The following FBXW11 variants were observed in gnomAD, a reference collection of about 807,000 sequenced individuals.
FBXW11 encodes the protein F-box/WD repeat-containing protein 11.
FBXW11 carries 19 observed loss-of-function variants against 77.6 expected under a neutral mutation model. That is an observed-to-expected ratio of 0.24 (90% confidence interval 0.17 to 0.36). FBXW11 has a LOEUF of 0.36. Among genes scored for constraint, FBXW11 ranks in the 10% least tolerant of loss-of-function variants. The probability of loss-of-function intolerance (pLI) is 1.00; values close to 1 mark genes in which losing one functional copy is unlikely to be tolerated. For synonymous variants in FBXW11, 235 were observed against 249.4 expected, an observed-to-expected ratio of 0.94 and a Z score of 0.54; for missense variants, 334 against 704.2, an observed-to-expected ratio of 0.47 and a Z score of 5.95.
At chr5:171,974,570 G>A (rs1437801925) in intron 1 of FBXW11, among the ~76,000 whole-genome samples, 3 of 151,592 alleles carry the variant, frequency 2.0e-5, no homozygotes, top group African/African-American at 7.3e-5. Context: ...AAAAAAACAG[G>A]AAGAAGCCGA....
At chr5:171,972,503 A>T (rs1231173767) in intron 1 of FBXW11, among the ~76,000 whole-genome samples, 4 of 13,766 alleles carry the variant, frequency 2.9e-4, no homozygotes, top group Non-Finnish European at 8.0e-4. Flanking sequence ...TCTGTCTCAT[A>T]AAAAAAAAAA....
chr5:171,899,771 T>G, intron 5 of FBXW11, 143 bp downstream of exon 5: 1 of 690,692 alleles, frequency 1.4e-6, no homozygotes, highest in Non-Finnish European at 2.4e-6. Context: ...CTTTAACTTT[T>G]TCTTCCAACT....
chr5:171,958,706 G>A (rs960018123), intron 1 of FBXW11, among the ~76,000 whole-genome samples: 2 of 152,174 alleles, frequency 1.3e-5, no homozygotes, highest in African/African-American at 4.8e-5. Context: ...ATACTGTAAA[G>A]TTAATAACCA....
At chr5:171,967,013 T>G (rs1764225733) in intron 1 of FBXW11, among the ~76,000 whole-genome samples, 1 of 152,216 alleles carries the variant, frequency 6.6e-6, no homozygotes, top group African/African-American at 2.4e-5. Flanking sequence ...CTAAAATCCC[T>G]GCTTTCTTCC....
intron 1 of FBXW11, among the ~76,000 whole-genome samples, chr5:171,980,560 G>GT (rs1313373861): frequency 1.3e-5 from 2 of 152,074 alleles, no homozygotes; most frequent in Non-Finnish European, 2.9e-5. Context: ...CAAAAAAGGC[G>GT]TATCTCTAAA....
intron 2 of FBXW11, among the ~76,000 whole-genome samples, chr5:171,925,479 CGTTTT>C (rs1218460290): frequency 2.6e-5 from 4 of 151,946 alleles, no homozygotes; most frequent in East Asian, 1.9e-4. Flanking sequence ...TTTGGTTTTT[CGTTTT>C]GTTTTATTTT....
At chr5:171,955,181 A>G (rs1423412777) in intron 2 of FBXW11, among the ~76,000 whole-genome samples, 1 of 152,240 alleles carries the variant, frequency 6.6e-6, no homozygotes, top group Non-Finnish European at 1.5e-5. Flanking sequence ...ATTATGCCTA[A>G]GGGCAACTAC....
chr5:171,917,863 T>C (rs1224904413), intron 2 of FBXW11, among the ~76,000 whole-genome samples: 2 of 151,736 alleles, frequency 1.3e-5, no homozygotes, highest in African/African-American at 2.4e-5. Context: ...TACAATACAC[T>C]CCATTAAGAT....
chr5:171,867,230 T>C (rs1757455560), intron 13 of FBXW11, among the ~76,000 whole-genome samples: 2 of 152,194 alleles, frequency 1.3e-5, no homozygotes, highest in Non-Finnish European at 1.5e-5. Flanking sequence ...ATTTCAGATG[T>C]TGTAGGCCAT....
chr5:171,891,815 G>A lies in FBXW11; in HGVS notation c.715-211C>T, dbSNP rs1284444982. 3.3e-5 allele frequency among the ~76,000 whole-genome samples: 5 copies of A among 151,858 alleles called. No homozygotes were observed. In the East Asian group the frequency reaches 5.8e-4, roughly 18 times the overall value. On this transcript the variant is annotated intron_variant, in intron 6 of 13. Coordinates refer to ENST00000517395, the MANE Select transcript of FBXW11 (RefSeq NM_001378974.1). The stretch of plus-strand genomic sequence containing the variant: ...AACTTTCCCTGCCCATTTGGCAACC[G>A]TCATAGGATTTCCAATGAGTTTTGG...
chr5:171,959,531 G>A (rs140303885), intron 1 of FBXW11, among the ~76,000 whole-genome samples: 1,761 of 152,040 alleles, frequency 0.012, 36 homozygotes, highest in African/African-American at 0.041. Flanking sequence ...AATTAAAACA[G>A]AAAGGAGAGC....
At position 172,006,463 on chromosome 5, in the gene FBXW11, G is replaced by T; in HGVS notation, c.40C>A (p.Leu14Ile). ...DSVIEDKTIELMCSVPRSLWL... is the reference protein window; with the variant it reads ...DSVIEDKTIEIMCSVPRSLWL... ...GTCCAGCGGGCCGCACTCACCATGA[G>T]CTCGATGGTCTTGTCCTCAATCACC... The change falls in exon 1 of 14, where the codon CTC becomes ATC. Residue 14 changes from leucine to isoleucine, a missense_variant. By Grantham distance (5) the Leu-to-Ile change is conservative (BLOSUM62 2). Around this residue, in one of 10 missense-constraint regions of FBXW11, gnomAD observed 80 missense variants for 105.1 expected, o/e 0.76. Coordinates refer to ENST00000517395, the MANE Select transcript of FBXW11 (RefSeq NM_001378974.1). 1 of 1,557,962 alleles carries T rather than the reference G, an allele frequency of 6.4e-7. No homozygotes were observed. Among genetic ancestry groups the T allele is most frequent in the Non-Finnish European group, 8.7e-7 (1 of 1,154,434 alleles).
chr5:171,864,634 C>G (rs979378153), intron 13 of FBXW11, among the ~76,000 whole-genome samples: 5 of 152,128 alleles, frequency 3.3e-5, no homozygotes, highest in Non-Finnish European at 5.9e-5. Flanking sequence ...GAAATTACTT[C>G]CTTTTTAATA....
intron 2 of FBXW11, among the ~76,000 whole-genome samples, chr5:171,948,578 A>G (rs1474451476): frequency 1.3e-5 from 2 of 152,160 alleles, no homozygotes; most frequent in Admixed American, 6.5e-5. Context: ...TTTCTATTTA[A>G]TTAAAAAACA....
At chr5:171,983,936 C>A (rs1200757696) in intron 1 of FBXW11, among the ~76,000 whole-genome samples, 1 of 151,724 alleles carries the variant, frequency 6.6e-6, no homozygotes, top group Non-Finnish European at 1.5e-5. Context: ...ATTTCATCAA[C>A]CAAGTAAAAC....
At chr5:171,882,936 C>A (rs1194438659) in intron 7 of FBXW11, among the ~76,000 whole-genome samples, 1 of 150,780 alleles carries the variant, frequency 6.6e-6, no homozygotes, top group Non-Finnish European at 1.5e-5. Flanking sequence ...CCCTTGCCCC[C>A]CTCCCACTCG....
At chr5:171,978,785 C>T (rs1055936509) in intron 1 of FBXW11, among the ~76,000 whole-genome samples, 1 of 152,220 alleles carries the variant, frequency 6.6e-6, no homozygotes, top group East Asian at 1.9e-4. Context: ...TACACTCCCC[C>T]ATGCACCTAG....
At chr5:171,918,558 T>TA (rs1260802796) in intron 2 of FBXW11, among the ~76,000 whole-genome samples, 3 of 152,178 alleles carry the variant, frequency 2.0e-5, no homozygotes, top group African/African-American at 7.2e-5. Flanking sequence ...CCAACCAGTT[T>TA]ACTTTCTACC....
chr5:171,998,841 G>A (rs1766233693), intron 1 of FBXW11, among the ~76,000 whole-genome samples: 1 of 151,080 alleles, frequency 6.6e-6, no homozygotes, highest in South Asian at 2.1e-4. Flanking sequence ...ATACTATAAT[G>A]GTACTCAAGT....
Sources: allele counts gnomAD v4.1 joint callset (sites outside exome capture counted in the v4.1 genomes callset), GRCh38; gene constraint gnomAD v4.1.1; regional missense constraint gnomAD v4.1.1; transcripts MANE v1.5; gene names NCBI Gene and HGNC (gene_info 2026-07-23, HGNC 2026-07-21).